Variants in TARS3 observed in about 807,000 individuals in gnomAD.
TARS3 encodes the protein threonine--tRNA ligase 2, cytoplasmic.
TARS3 carries 94 observed loss-of-function variants against 103.5 expected under a neutral mutation model. The ratio of observed to expected loss-of-function variants is 0.91; its 90% confidence interval spans 0.77 to 1.08. TARS3 has a LOEUF of 1.08. Ranked by LOEUF, TARS3 falls within the 50% of genes least tolerant of loss-of-function variation. The pLI is 0.00. For missense variants in TARS3, 952 were observed against 995.2 expected (o/e 0.96, Z 0.58); for synonymous variants, 416 against 355.4 (o/e 1.17, Z -1.92).
At chr15:101,693,480 A>T (rs1898825489) in intron 10 of TARS3, among the ~76,000 whole-genome samples, 1 of 152,130 alleles carries the variant, frequency 6.6e-6, no homozygotes, top group Non-Finnish European at 1.5e-5. Flanking sequence ...GGATTACTAC[A>T]ATTCAAGGTG....
chr15:101,680,330 T>C (rs2141401993), intron 12 of TARS3, among the ~76,000 whole-genome samples: 1 of 152,358 alleles, frequency 6.6e-6, no homozygotes, highest in South Asian at 2.1e-4. Context: ...GGCTGCCCCT[T>C]TCCTAGTCCT....
At chr15:101,705,131 C>T (rs1290681622) in intron 7 of TARS3, among the ~76,000 whole-genome samples, 1 of 152,196 alleles carries the variant, frequency 6.6e-6, no homozygotes, top group Non-Finnish European at 1.5e-5. Context: ...GCTCAGGAAC[C>T]TGAGGTTAAA....
intron 16 of TARS3, among the ~76,000 whole-genome samples, chr15:101,659,576 C>T (rs892193860): frequency 1.5e-4 from 23 of 152,214 alleles, no homozygotes; most frequent in African/African-American, 5.5e-4. Flanking sequence ...GCTCAGTGCA[C>T]TGGCCCCAAC....
At chr15:101,711,590 CTT>C (rs1899870132) in intron 5 of TARS3, among the ~76,000 whole-genome samples, 1 of 152,202 alleles carries the variant, frequency 6.6e-6, no homozygotes, top group Non-Finnish European at 1.5e-5. Context: ...CTTAACATCT[CTT>C]TTCTCTAGCT....
rs200177716 is a variant in TARS3 at position 101,702,334 on chromosome 15, T to G, written c.1126A>C (p.Ile376Leu). ...GNPEMETLQR[I>L]YGISFPDNKM... is the part of the protein sequence containing the mutation. ...TTATCAGGAAAGGATATTCCATAGATCCTCTGCAATGTTTCCATTTCCGGA... is the reference window on the plus strand; with the variant it reads ...TTATCAGGAAAGGATATTCCATAGAGCCTCTGCAATGTTTCCATTTCCGGA... Residue 376 changes from isoleucine to leucine, a missense_variant, in exon 9 of 19, where the codon ATC (isoleucine) becomes CTC (leucine). This residue lies in a region of TARS3 where 540 missense variants were observed against 631.0 expected (regional missense o/e 0.86). Transcript: ENST00000335968. The G allele has an allele frequency of 6.2e-7, 1 of 1,614,042 alleles. No individual in the cohort carries two copies. Among genetic ancestry groups the G allele is most frequent in the Non-Finnish European group, 8.5e-7 (1 of 1,179,890 alleles).
intron 10 of TARS3, among the ~76,000 whole-genome samples, chr15:101,697,844 A>G (rs1181851851): frequency 6.6e-6 from 1 of 152,230 alleles, no homozygotes; most frequent in African/African-American, 2.4e-5. Context: ...GTCTCACAGT[A>G]GCCTCCCAGG....
intron 10 of TARS3, 94 bp from the exon 11 acceptor site, chr15:101,686,156 T>C: frequency 8.7e-7 from 1 of 1,156,024 alleles, no homozygotes; most frequent in Middle Eastern, 2.7e-4. Flanking sequence ...CAAATTGGGC[T>C]CATGTCCTAT....
intron 2 of TARS3, among the ~76,000 whole-genome samples, chr15:101,722,777 C>T (rs1596334950): frequency 6.6e-6 from 1 of 151,376 alleles, no homozygotes; most frequent in East Asian, 2.0e-4. Context: ...GAGATCATGC[C>T]ATTGCACTCT....
intron 15 of TARS3, among the ~76,000 whole-genome samples, chr15:101,669,599 CT>C (rs1329364845): frequency 3.3e-5 from 5 of 152,148 alleles, no homozygotes; most frequent in Non-Finnish European, 5.9e-5. Flanking sequence ...CATTTTTTAT[CT>C]TTTATACCTA....
chr15:101,724,314 A>G lies in TARS3; in HGVS notation c.74T>C (p.Leu25Pro). The G allele has an allele frequency of 6.4e-7, 1 of 1,569,492 alleles. No individual in the cohort carries two copies. The highest frequency in any genetic ancestry group is 1.2e-5 in the South Asian group (1 of 86,268). Residue 25 changes from leucine (L) to proline (P), a missense_variant, in exon 1 of 19, where the codon CTG becomes CCG. Transcript: ENST00000335968. ...LERQEEDIRW[L>P]WSEVERLRDE... ...CCTCAGGCGCTCGACCTCCGACCACAGCCAGCGGATGTCCTCCTCCTGCCG... is the reference window on the plus strand; with the variant it reads ...CCTCAGGCGCTCGACCTCCGACCACGGCCAGCGGATGTCCTCCTCCTGCCG...
intron 10 of TARS3, among the ~76,000 whole-genome samples, chr15:101,700,696 C>G (rs567487322): frequency 1.3e-5 from 2 of 150,640 alleles, no homozygotes; most frequent in East Asian, 3.9e-4. Context: ...CAGGCTGGAG[C>G]GCAGTGGCAC....
rs772499463 is a variant in TARS3 at position 101,724,405 on chromosome 15, AC to A, written c.-19del. ...GCCGCCATCGCGGCCTCCCTCAGGC[AC>A]CGACGCCGAGCGGGGTGCCCGCGAC... On this transcript the variant is annotated 5_prime_UTR_variant, in exon 1 of 19. Coordinates refer to ENST00000335968, the MANE Select transcript of TARS3 (RefSeq NM_152334.3). 1.7e-5 allele frequency: 24 copies of A among 1,400,788 alleles called. No homozygotes were observed. In the South Asian group the frequency reaches 3.6e-4, roughly 21 times the overall value. The allele number at this position is 1,400,788 out of a possible 1,614,324, so 86.8% of individuals were successfully genotyped here.
chr15:101,697,615 G>T (rs1398883882), intron 10 of TARS3, among the ~76,000 whole-genome samples: 1 of 152,156 alleles, frequency 6.6e-6, no homozygotes, highest in Non-Finnish European at 1.5e-5. Flanking sequence ...TACCAAAAAA[G>T]ACTCACGAGG....
intron 5 of TARS3, among the ~76,000 whole-genome samples, chr15:101,711,629 A>G (rs1445182205): frequency 6.6e-6 from 1 of 152,210 alleles, no homozygotes; most frequent in South Asian, 2.1e-4. Context: ...TATATGATAC[A>G]CCTAAGATAC....
At chr15:101,712,059 T>C in intron 4 of TARS3, 58 bp from the exon 5 acceptor site, 1 of 1,549,144 alleles carries the variant, frequency 6.5e-7, no homozygotes, top group Non-Finnish European at 8.7e-7. Flanking sequence ...GGAAAATTAG[T>C]AGTAAAATGA....
intron 3 of TARS3, among the ~76,000 whole-genome samples, chr15:101,716,136 C>T (rs1445762748): frequency 6.6e-6 from 1 of 152,050 alleles, no homozygotes; most frequent in African/African-American, 2.4e-5. Flanking sequence ...CCTGCCTCGG[C>T]CTCCCGAGTA....
chr15:101,683,540 T>C (rs1016519914), intron 12 of TARS3, among the ~76,000 whole-genome samples: 3 of 152,232 alleles, frequency 2.0e-5, no homozygotes, highest in Non-Finnish European at 2.9e-5. Context: ...ATAAGCGTGA[T>C]GACTGGGTGT....
intron 10 of TARS3, 79 bp downstream of exon 10, chr15:101,701,007 G>T: frequency 1.0e-6 from 1 of 954,488 alleles, no homozygotes; most frequent in South Asian, 1.9e-5. Flanking sequence ...GGAAACGCTT[G>T]ACCACTTTAT....
rs756028970 is a variant in TARS3 at position 101,702,347 on chromosome 15, T to C, written c.1113A>G (p.Glu371=). 4.3e-6 allele frequency: 7 copies of C among 1,613,984 alleles called. No individual in the cohort carries two copies. The Admixed American group carries it at 8.3e-5, about 19-fold the overall frequency. The change falls in exon 9 of 19, where the codon GAA becomes GAG. Residue 371 remains glutamate (E), a synonymous_variant. Coordinates refer to ENST00000335968, the MANE Select transcript of TARS3 (RefSeq NM_152334.3). The part of the protein sequence containing the change: ...STYWEGNPEM[E]TLQRIYGISF... ...ATATTCCATAGATCCTCTGCAATGTTTCCATTTCCGGATTGCCCTCCCAAT... is the reference window on the plus strand; with the variant it reads ...ATATTCCATAGATCCTCTGCAATGTCTCCATTTCCGGATTGCCCTCCCAAT...
Sources: gnomAD v4.1 joint callset for allele counts (sites outside exome capture counted in the v4.1 genomes callset) on GRCh38, gnomAD v4.1.1 for gene constraint, gnomAD v4.1.1 regional missense constraint, MANE v1.5 for transcripts, NCBI Gene and HGNC (gene_info 2026-07-23, HGNC 2026-07-21) for gene names.